The following SEL1L2 variants were observed in gnomAD, a reference collection of about 807,000 sequenced individuals.
SEL1L2 encodes the protein protein sel-1 homolog 2.
In SEL1L2, 89 loss-of-function variants were observed where a neutral mutation model predicts 98.8. The ratio of observed to expected loss-of-function variants is 0.90; its 90% CI spans 0.76 to 1.07. The LOEUF (loss-of-function observed/expected upper bound fraction) is 1.07. SEL1L2 is among the 50% of genes least tolerant of loss of function. The pLI is 0.00. For synonymous variants in SEL1L2, 262 were observed against 278.5 expected, an observed-to-expected ratio of 0.94 and a Z score of 0.59; for missense variants, 788 against 812.0, an observed-to-expected ratio of 0.97 and a Z score of 0.36.
intron 3 of SEL1L2, among the ~76,000 whole-genome samples, chr20:13,924,596 C>CT (rs771740527): frequency 1.3e-5 from 2 of 151,522 alleles, no homozygotes; most frequent in African/African-American, 4.8e-5. Flanking sequence ...TGGCTAATTT[C>CT]TTTTTTTTCA....
At position 13,869,488 on chromosome 20, in the gene SEL1L2, A is replaced by G. The variant is rs777034369; in HGVS notation, c.1255+15T>C. On this transcript the variant is annotated intron_variant, in intron 14 of 19. Coordinates refer to ENST00000284951, the MANE Select transcript of SEL1L2 (RefSeq NM_025229.2). ...ATGTCATTCTAAATAAAGCAGCTGT[A>G]TTTGTGGCACTTACAGTAGTACATG... The G allele has an allele frequency of 3.1e-6, 5 of 1,589,608 alleles. No individual in the cohort carries two copies. In the Admixed American group the frequency reaches 8.3e-5, roughly 26 times the overall value.
intron 2 of SEL1L2, among the ~76,000 whole-genome samples, chr20:13,951,276 CAAAAA>C (rs764034768): frequency 4.7e-3 from 121 of 25,504 alleles, no homozygotes; most frequent in Non-Finnish European, 7.0e-3. Flanking sequence ...GACTCCGTCT[CAAAAA>C]AAAAAAAAAA....
intron 12 of SEL1L2, among the ~76,000 whole-genome samples, chr20:13,871,204 A>G (rs1012627112): frequency 6.6e-6 from 1 of 152,170 alleles, no homozygotes; most frequent in Non-Finnish European, 1.5e-5. Flanking sequence ...ATAGTAAAGC[A>G]TCGTTGGTAT....
chr20:13,900,649 C>T (rs554951256), intron 5 of SEL1L2, among the ~76,000 whole-genome samples: 1 of 152,302 alleles, frequency 6.6e-6, no homozygotes, highest in South Asian at 2.1e-4. Context: ...CATAATCCGC[C>T]GCTGTGCCTG....
At chr20:13,884,881 A>G (rs1265031944) in intron 10 of SEL1L2, among the ~76,000 whole-genome samples, 1 of 152,182 alleles carries the variant, frequency 6.6e-6, no homozygotes, top group Non-Finnish European at 1.5e-5. Flanking sequence ...TTGCAAATGT[A>G]TAAGGATGTT....
At chr20:13,972,574 G>A (rs1172487483) in intron 1 of SEL1L2, among the ~76,000 whole-genome samples, 2 of 152,114 alleles carry the variant, frequency 1.3e-5, no homozygotes, top group Non-Finnish European at 2.9e-5. Context: ...ATTTCAGCTA[G>A]GGTTTGTAGG....
intron 1 of SEL1L2, 102 bp downstream of exon 1, chr20:13,990,375 T>C (rs2052484043): frequency 1.3e-6 from 1 of 775,420 alleles, no homozygotes; most frequent in Non-Finnish European, 2.2e-6. Context: ...GTTAGGGATA[T>C]AGTAAAGTTA....
chr20:13,911,024 C>A (rs1393713980), intron 5 of SEL1L2, among the ~76,000 whole-genome samples: 1 of 152,154 alleles, frequency 6.6e-6, no homozygotes, highest in African/African-American at 2.4e-5. Context: ...TATTTATATA[C>A]AAACAAGTGA....
At chr20:13,883,341 T>C (rs1600596361) in intron 10 of SEL1L2, among the ~76,000 whole-genome samples, 1 of 152,206 alleles carries the variant, frequency 6.6e-6, no homozygotes, top group East Asian at 1.9e-4. Context: ...ATCATGTCAT[T>C]TCTTCTTCTT....
intron 5 of SEL1L2, among the ~76,000 whole-genome samples, chr20:13,906,238 C>G (rs2047925575): frequency 6.6e-6 from 1 of 152,060 alleles, no homozygotes; most frequent in African/African-American, 2.4e-5. Flanking sequence ...GTTACAGTAG[C>G]TGGGATTTAA....
intron 5 of SEL1L2, among the ~76,000 whole-genome samples, chr20:13,892,449 C>CAA (rs11477736): frequency 7.0e-6 from 1 of 143,446 alleles, no homozygotes; most frequent in African/African-American, 2.6e-5. Flanking sequence ...GACTCCATCT[C>CAA]AAAAAAAAAA....
At chr20:13,982,056 C>G (rs2051853693) in intron 1 of SEL1L2, among the ~76,000 whole-genome samples, 1 of 152,202 alleles carries the variant, frequency 6.6e-6, no homozygotes, top group South Asian at 2.1e-4. Flanking sequence ...CAACTGCTTT[C>G]TGGACTCTGG....
intron 19 of SEL1L2, 153 bp from the exon 20 acceptor site, chr20:13,849,757 C>T (rs1341701504): frequency 1.2e-6 from 1 of 858,586 alleles, no homozygotes; most frequent in African/African-American, 1.7e-5. Context: ...CGCTTGCTTA[C>T]ATCTTCCACA....
At chr20:13,888,635 C>CATT in intron 5 of SEL1L2, 123 bp from the exon 6 acceptor site, 1 of 203,634 alleles carries the variant, frequency 4.9e-6, no homozygotes, top group Non-Finnish European at 8.2e-6. Context: ...CTTTCTTTCT[C>CATT]TTTTTTTTTT....
chr20:13,984,823 C>T (rs1569089588), intron 1 of SEL1L2, among the ~76,000 whole-genome samples: 1 of 151,616 alleles, frequency 6.6e-6, no homozygotes, highest in African/African-American at 2.4e-5. Context: ...TTTTAATTAA[C>T]ATATAATAAT....
chr20:13,878,573 G>A (rs1421596848), intron 10 of SEL1L2, among the ~76,000 whole-genome samples: 2 of 152,222 alleles, frequency 1.3e-5, no homozygotes, highest in East Asian at 1.9e-4. Context: ...TCAAAGAGAA[G>A]AGAATGTTTA....
At chr20:13,975,507 T>C (rs2051492384) in intron 1 of SEL1L2, among the ~76,000 whole-genome samples, 1 of 152,208 alleles carries the variant, frequency 6.6e-6, no homozygotes, top group Non-Finnish European at 1.5e-5. Flanking sequence ...AGAATTCAGG[T>C]CCTACTAAAC....
At chr20:13,911,699 G>T (rs1474699785) in intron 5 of SEL1L2, among the ~76,000 whole-genome samples, 1 of 152,064 alleles carries the variant, frequency 6.6e-6, no homozygotes, top group African/African-American at 2.4e-5. Context: ...AACATGGAAA[G>T]ACATCTATGA....
At chr20:13,940,130 T>TA (rs2049689666) in intron 2 of SEL1L2, among the ~76,000 whole-genome samples, 2 of 152,120 alleles carry the variant, frequency 1.3e-5, no homozygotes, top group South Asian at 4.1e-4. Context: ...CAGCAACCAG[T>TA]AAACAAATAA....
Sources: gnomAD v4.1 joint callset for allele counts (sites outside exome capture counted in the v4.1 genomes callset) on GRCh38, gnomAD v4.1.1 for gene constraint, MANE v1.5 for transcripts, NCBI Gene and HGNC (gene_info 2026-07-23, HGNC 2026-07-21) for gene names.